Variants in OPCML observed in about 807,000 individuals in gnomAD.
OPCML encodes opioid binding protein/cell adhesion molecule like, also known as opioid-binding protein/cell adhesion molecule.
Under a neutral mutation model 37.8 loss-of-function variants are expected in OPCML, and 13 were observed. That is an observed-to-expected ratio of 0.34 (90% CI 0.22 to 0.55). The LOEUF is 0.55. Ranked by LOEUF, OPCML falls within the 20% of genes least tolerant of loss-of-function variation. The pLI, the probability that OPCML is intolerant of heterozygous loss-of-function variation, is 0.91. For synonymous variants in OPCML, 176 were observed against 168.8 expected (o/e 1.04, Z -0.33); for missense variants, 341 against 435.6 (o/e 0.78, Z 1.93).
intron 2 of OPCML, among the ~76,000 whole-genome samples, chr11:132,915,490 G>A (rs1427501652): frequency 6.6e-6 from 1 of 152,148 alleles, no homozygotes; most frequent in Non-Finnish European, 1.5e-5. Context: ...CATCCCAAGA[G>A]TTTTTCTAAA....
intron 1 of OPCML, among the ~76,000 whole-genome samples, chr11:133,089,047 G>A (rs1948863241): frequency 6.6e-6 from 1 of 152,210 alleles, no homozygotes; most frequent in Non-Finnish European, 1.5e-5. Context: ...ATCACAATGT[G>A]ATGGAGTGAT....
At chr11:132,838,016 T>C (rs898847448) in intron 2 of OPCML, among the ~76,000 whole-genome samples, 2 of 152,356 alleles carry the variant, frequency 1.3e-5, no homozygotes, top group Non-Finnish European at 2.9e-5. Context: ...GTTTCTGGTT[T>C]ATTTATTTGT....
intron 1 of OPCML, among the ~76,000 whole-genome samples, chr11:133,101,664 T>C (rs1396225391): frequency 6.6e-6 from 1 of 152,150 alleles, no homozygotes; most frequent in African/African-American, 2.4e-5. Context: ...AGTTTGGCAA[T>C]TACAAAACTA....
At chr11:133,276,467 C>T (rs1300174316) in intron 1 of OPCML, among the ~76,000 whole-genome samples, 1 of 152,074 alleles carries the variant, frequency 6.6e-6, no homozygotes, top group Admixed American at 6.5e-5. Flanking sequence ...GCACACAATG[C>T]AGGAGGGAGC....
At chr11:132,884,558 A>C (rs1010886768) in intron 2 of OPCML, among the ~76,000 whole-genome samples, 7 of 152,256 alleles carry the variant, frequency 4.6e-5, no homozygotes, top group Non-Finnish European at 7.3e-5. Context: ...AATTCTGTGA[A>C]TATATAGCTT....
chr11:132,879,715 C>T (rs1287401501), intron 2 of OPCML, among the ~76,000 whole-genome samples: 1 of 152,134 alleles, frequency 6.6e-6, no homozygotes, highest in Admixed American at 6.5e-5. Context: ...TCAGCAAGCG[C>T]ATAATGAATT....
Position 133,527,435 on chromosome 11 carries a change from G to A in OPCML, c.61+4829C>T, listed in dbSNP as rs549313022. ...AGGCAGGAGAATATCTTAATACATT[G>A]TTTAATCAGAACGTATATAAAGTCT... On this transcript the variant is annotated intron_variant, in intron 1 of 7. Coordinates refer to ENST00000524381, the MANE Select transcript of OPCML (RefSeq NM_001012393.5). 5.3e-5 allele frequency among the ~76,000 whole-genome samples: 8 copies of A among 152,280 alleles called. No individual in the cohort carries two copies. In the South Asian group the frequency reaches 1.7e-3, roughly 32 times the overall value.
intron 1 of OPCML, among the ~76,000 whole-genome samples, chr11:133,185,810 A>G (rs1460738699): frequency 6.6e-6 from 1 of 152,186 alleles, no homozygotes; most frequent in Non-Finnish European, 1.5e-5. Context: ...ACTTGAAAAG[A>G]ACATTCTTGA....
At chr11:133,175,658 T>A (rs1947074885) in intron 1 of OPCML, among the ~76,000 whole-genome samples, 1 of 49,742 alleles carries the variant, frequency 2.0e-5, no homozygotes, top group South Asian at 6.1e-4. Context: ...ATTCACTGAC[T>A]TTTTTTTTTT....
At chr11:132,727,744 C>G (rs1325672086) in intron 2 of OPCML, among the ~76,000 whole-genome samples, 1 of 152,200 alleles carries the variant, frequency 6.6e-6, no homozygotes, top group Non-Finnish European at 1.5e-5. Flanking sequence ...GGAAAATACT[C>G]ATGGAATAAA....
At chr11:132,530,666 A>G (rs1197081703) in intron 3 of OPCML, among the ~76,000 whole-genome samples, 2 of 151,650 alleles carry the variant, frequency 1.3e-5, no homozygotes, top group Non-Finnish European at 2.9e-5. Context: ...AACACAGCAC[A>G]TGGCACACAC....
intron 1 of OPCML, among the ~76,000 whole-genome samples, chr11:133,314,143 G>C (rs1213893181): frequency 1.4e-5 from 2 of 144,710 alleles, no homozygotes; most frequent in Non-Finnish European, 3.0e-5. Context: ...GCTGAGGCAG[G>C]AGAATGGCGT....
At chr11:133,525,229 C>T (rs1948466977) in intron 1 of OPCML, among the ~76,000 whole-genome samples, 1 of 152,208 alleles carries the variant, frequency 6.6e-6, no homozygotes, top group Non-Finnish European at 1.5e-5. Flanking sequence ...CCTGGGAAAG[C>T]AGCATTTAAG....
chr11:133,103,378 T>C (rs1190186139), intron 1 of OPCML, among the ~76,000 whole-genome samples: 1 of 152,128 alleles, frequency 6.6e-6, no homozygotes, highest in Middle Eastern at 3.2e-3. Context: ...TATGTCCCCA[T>C]CTAAAAAAGT....
At chr11:133,233,555 A>G (rs1160446039) in intron 1 of OPCML, among the ~76,000 whole-genome samples, 1 of 152,168 alleles carries the variant, frequency 6.6e-6, no homozygotes, top group Non-Finnish European at 1.5e-5. Flanking sequence ...AACACCCCTT[A>G]GTGCTCATTA....
chr11:133,178,477 C>G (rs2136281320), intron 1 of OPCML, among the ~76,000 whole-genome samples: 1 of 152,194 alleles, frequency 6.6e-6, no homozygotes, highest in South Asian at 2.1e-4. Flanking sequence ...ATATTAGACT[C>G]TTGCCAGGTG....
At chr11:133,004,508 G>A in intron 1 of OPCML, 1 of 985,456 alleles carries the variant, frequency 1.0e-6, no homozygotes. Flanking sequence ...GCCCTCTGCA[G>A]ACGACCGAGG....
At chr11:132,975,529 C>CAAAAAAAAAAAAAAAAAAAAAAAA (rs56882175) in intron 1 of OPCML, among the ~76,000 whole-genome samples, 2 of 42,766 alleles carry the variant, frequency 4.7e-5, no homozygotes, top group Admixed American at 2.9e-4. Flanking sequence ...AGGTTTCAAG[C>CAAAAAAAAAAAAAAAAAAAAAAAA]AAAAAAAAAA....
chr11:133,447,771 C>A (rs1189362884), intron 1 of OPCML, among the ~76,000 whole-genome samples: 1 of 152,220 alleles, frequency 6.6e-6, no homozygotes, highest in Non-Finnish European at 1.5e-5. Flanking sequence ...CAGTCCACCA[C>A]TGAGGGGCTC....
Sources: allele counts gnomAD v4.1 joint callset (sites outside exome capture counted in the v4.1 genomes callset), GRCh38; gene constraint gnomAD v4.1.1; transcripts MANE v1.5; gene names NCBI Gene and HGNC (gene_info 2026-07-23, HGNC 2026-07-21).